AGBL4: variants seen among roughly 807,000 people sequenced by gnomAD.
AGBL4 encodes the protein AGBL carboxypeptidase 4, also known as cytosolic carboxypeptidase 6.
In AGBL4, 58 loss-of-function variants were observed where a neutral mutation model predicts 66.4. The ratio of observed to expected loss-of-function variants is 0.87; its 90% CI spans 0.71 to 1.09. AGBL4 has a LOEUF of 1.09. Among genes scored for constraint, AGBL4 ranks in the 50% least tolerant of loss-of-function variants. The pLI, the probability that AGBL4 is intolerant of heterozygous loss-of-function variation, is 0.00. For synonymous variants in AGBL4, 234 were observed against 222.9 expected (o/e 1.05, Z -0.44); for missense variants, 579 against 631.0 (o/e 0.92, Z 0.88).
chr1:50,011,328 C>T (rs1049036205), intron 1 of AGBL4, among the ~76,000 whole-genome samples: 4 of 152,082 alleles, frequency 2.6e-5, no homozygotes, highest in African/African-American at 9.7e-5. Flanking sequence ...ATCAAAACTA[C>T]AATGATATAT....
At chr1:49,147,574 C>A (rs997113367) in intron 4 of AGBL4, among the ~76,000 whole-genome samples, 2 of 152,056 alleles carry the variant, frequency 1.3e-5, no homozygotes, top group Non-Finnish European at 2.9e-5. Flanking sequence ...CCACATACCT[C>A]GTAAGAGGAG....
At chr1:49,365,823 T>A (rs1197586788) in intron 3 of AGBL4, among the ~76,000 whole-genome samples, 1 of 152,162 alleles carries the variant, frequency 6.6e-6, no homozygotes, top group Non-Finnish European at 1.5e-5. Context: ...CAGAAAGATC[T>A]GGAGTTGAAT....
intron 9 of AGBL4, among the ~76,000 whole-genome samples, chr1:48,609,442 C>A (rs1429408757): frequency 6.6e-6 from 1 of 152,142 alleles, no homozygotes; most frequent in Non-Finnish European, 1.5e-5. Flanking sequence ...TGTTTTGAGA[C>A]ACATGGTCTC....
At chr1:49,694,003 C>T (rs1480225247) in intron 3 of AGBL4, among the ~76,000 whole-genome samples, 1 of 152,134 alleles carries the variant, frequency 6.6e-6, no homozygotes, top group South Asian at 2.1e-4. Context: ...TGGGATACAA[C>T]ACCATATGCT....
At chr1:49,254,570 G>A (rs574358365) in intron 3 of AGBL4, among the ~76,000 whole-genome samples, 1 of 152,220 alleles carries the variant, frequency 6.6e-6, no homozygotes, top group African/African-American at 2.4e-5. Flanking sequence ...AATCAATATT[G>A]TTAAAATGGT....
rs1644642167 is a variant in AGBL4, at chr1:49,382,521, A to G, written c.283-136657T>C. On this transcript the variant is annotated intron_variant, in intron 3 of 13. Transcript: ENST00000371839. ...GAATAGAAGGAAGTTACCTCAACATAAAGGTCATATATGAAAAACCCACAT... is the reference window on the plus strand; with the variant it reads ...GAATAGAAGGAAGTTACCTCAACATGAAGGTCATATATGAAAAACCCACAT... Among the ~76,000 whole-genome samples the G allele has an allele frequency of 2.0e-5, 3 of 152,142 alleles. 1 individual carries two copies. The highest frequency in any genetic ancestry group is 4.1e-4 in the South Asian group (2 of 4,828).
chr1:49,032,667 C>A (rs1308265773), intron 5 of AGBL4, among the ~76,000 whole-genome samples: 1 of 152,100 alleles, frequency 6.6e-6, no homozygotes, highest in Admixed American at 6.6e-5. Flanking sequence ...GCCTGGAAAC[C>A]TGTTCACCTC....
At chr1:49,987,970 CT>C (rs1168564867) in intron 1 of AGBL4, among the ~76,000 whole-genome samples, 1 of 151,560 alleles carries the variant, frequency 6.6e-6, no homozygotes, top group Admixed American at 6.6e-5. Context: ...AAAAAAACCC[CT>C]ATTCTTTTTT....
intron 3 of AGBL4, among the ~76,000 whole-genome samples, chr1:49,668,741 C>A (rs904153921): frequency 2.0e-5 from 3 of 152,178 alleles, no homozygotes; most frequent in Non-Finnish European, 4.4e-5. Context: ...GCACAGTTAT[C>A]AGTCCCTGTT....
intron 7 of AGBL4, among the ~76,000 whole-genome samples, chr1:48,657,950 T>C (rs1646046885): frequency 6.6e-6 from 1 of 151,972 alleles, no homozygotes; most frequent in Non-Finnish European, 1.5e-5. Context: ...CAGGAAGAGG[T>C]CTCCTCTCTT....
intron 3 of AGBL4, among the ~76,000 whole-genome samples, chr1:49,536,768 T>C (rs967441137): frequency 1.3e-5 from 2 of 152,128 alleles, no homozygotes; most frequent in African/African-American, 2.4e-5. Context: ...ATCCAACTGA[T>C]CTTTTAAAAA....
intron 3 of AGBL4, among the ~76,000 whole-genome samples, chr1:49,514,904 T>C (rs1270596178): frequency 3.3e-5 from 5 of 152,046 alleles, no homozygotes; most frequent in Non-Finnish European, 7.4e-5. Flanking sequence ...GATTAAAGAC[T>C]TAAATGTTAG....
intron 8 of AGBL4, among the ~76,000 whole-genome samples, chr1:48,642,923 A>G (rs1417352772): frequency 1.3e-5 from 2 of 152,172 alleles, no homozygotes; most frequent in Non-Finnish European, 1.5e-5. Context: ...CTGGAGCCAC[A>G]CGGCCTGGAT....
At position 48,722,492 on chromosome 1, in the gene AGBL4, G is replaced by T. The variant is rs1647167913; in HGVS notation, c.635-59251C>A. Among the ~76,000 whole-genome samples, 3 of 130,532 alleles carry T rather than the reference G, an allele frequency of 2.3e-5. No homozygotes were observed. The Admixed American group carries it at 2.5e-4, about 11-fold the overall frequency. The allele number at this position is 130,532 out of a possible 152,430, so 85.6% of individuals were successfully genotyped here. On this transcript the variant is annotated intron_variant, in intron 6 of 13. Transcript: ENST00000371839. ...CTGCATAATGAGTAGGGGGACTGGG[G>T]TTGGGAGACTTTAAGAAACTTGTCC...
intron 5 of AGBL4, among the ~76,000 whole-genome samples, chr1:49,035,886 G>A (rs1236318607): frequency 6.6e-6 from 1 of 152,042 alleles, no homozygotes; most frequent in South Asian, 2.1e-4. Context: ...GTTTATGCAT[G>A]TTGTCACTTA....
At chr1:49,306,308 C>T (rs879824644) in intron 3 of AGBL4, among the ~76,000 whole-genome samples, 3 of 152,128 alleles carry the variant, frequency 2.0e-5, no homozygotes, top group Non-Finnish European at 4.4e-5. Context: ...AATAAATCTA[C>T]TTAAGCTTCC....
At chr1:48,601,272 G>C (rs981183528) in intron 9 of AGBL4, among the ~76,000 whole-genome samples, 4 of 152,158 alleles carry the variant, frequency 2.6e-5, no homozygotes, top group Non-Finnish European at 1.5e-5. Flanking sequence ...GAAATTTGAA[G>C]ATAACAATCA....
intron 5 of AGBL4, among the ~76,000 whole-genome samples, chr1:48,901,745 G>A (rs184629469): frequency 1.4e-3 from 218 of 152,302 alleles, no homozygotes; most frequent in African/African-American, 5.0e-3. Context: ...GTGGGGATGA[G>A]TGGGAATAGG....
intron 1 of AGBL4, among the ~76,000 whole-genome samples, chr1:49,915,680 G>C (rs1651380758): frequency 2.0e-5 from 3 of 152,306 alleles, no homozygotes; most frequent in South Asian, 4.1e-4. Context: ...CCGAACAAAA[G>C]GCAGCAGAAA....
Sources: allele counts gnomAD v4.1 joint callset (sites outside exome capture counted in the v4.1 genomes callset), GRCh38; gene constraint gnomAD v4.1.1; transcripts MANE v1.5; gene names NCBI Gene and HGNC (gene_info 2026-07-23, HGNC 2026-07-21).